Variants in IL1RAPL1 observed in about 807,000 individuals in gnomAD.
IL1RAPL1 encodes interleukin-1 receptor accessory protein-like 1.
A neutral mutation model predicts 48.4 loss-of-function variants in IL1RAPL1; 3 were observed. The observed-to-expected ratio is 0.06, with a 90% confidence interval of 0.03 to 0.16. The LOEUF is 0.16. Ranked by LOEUF, IL1RAPL1 falls within the 10% of genes least tolerant of loss-of-function variation. The pLI is 1.00. For missense variants in IL1RAPL1, 349 were observed against 530.6 expected, an observed-to-expected ratio of 0.66 and a Z score of 3.36; for synonymous variants, 185 against 187.7, an observed-to-expected ratio of 0.99 and a Z score of 0.12.
intron 2 of IL1RAPL1, among the ~76,000 whole-genome samples, chrX:29,138,650 G>A (rs1454377985): frequency 9.3e-6 from 1 of 107,379 alleles, no homozygotes; most frequent in African/African-American, 3.4e-5. Flanking sequence ...GGTAATGCGT[G>A]CCTGTAATCC....
chrX:28,737,269 T>A (rs1176602179), intron 1 of IL1RAPL1, among the ~76,000 whole-genome samples: 1 of 99,755 alleles, frequency 1.0e-5, no homozygotes, highest in Non-Finnish European at 2.0e-5. Context: ...CTTTCTTTCT[T>A]TTTTTGAGAT....
chrX:28,712,443 G>T (rs994205561), intron 1 of IL1RAPL1, among the ~76,000 whole-genome samples: 1 of 110,991 alleles, frequency 9.0e-6, no homozygotes, highest in Non-Finnish European at 1.9e-5. Context: ...TGGACATACA[G>T]TGTGAACAAG....
At chrX:29,887,885 A>AG (rs749618228) in intron 6 of IL1RAPL1, among the ~76,000 whole-genome samples, 1 of 111,307 alleles carries the variant, frequency 9.0e-6, no homozygotes, top group East Asian at 2.8e-4. Flanking sequence ...GAAGGAGAAA[A>AG]GGGCTTTATC....
chrX:29,486,325 A>T (rs761091109), intron 5 of IL1RAPL1, among the ~76,000 whole-genome samples: 2 of 109,880 alleles, frequency 1.8e-5, no homozygotes, highest in South Asian at 7.9e-4. Context: ...GTTAAAAATC[A>T]TTGCCATAGA....
At chrX:29,199,178 A>G (rs1490368967) in intron 2 of IL1RAPL1, among the ~76,000 whole-genome samples, 1 of 112,017 alleles carries the variant, frequency 8.9e-6, no homozygotes, top group Non-Finnish European at 1.9e-5. Flanking sequence ...GATTGTTGTG[A>G]ATATCAGATA....
chrX:29,109,510 C>T (rs1434298606), intron 2 of IL1RAPL1, among the ~76,000 whole-genome samples: 1 of 109,899 alleles, frequency 9.1e-6, no homozygotes, highest in Admixed American at 9.8e-5. Context: ...TATTTTAGGA[C>T]GCCTGATTTT....
At chrX:29,376,103 G>A (rs1026360213) in intron 3 of IL1RAPL1, among the ~76,000 whole-genome samples, 2 of 111,077 alleles carry the variant, frequency 1.8e-5, no homozygotes, top group Admixed American at 9.6e-5. Flanking sequence ...TCTTCTCCTA[G>A]TTTTAGGGTT....
chrX:29,476,177 C>G (rs1934971401), intron 5 of IL1RAPL1, among the ~76,000 whole-genome samples: 1 of 111,292 alleles, frequency 9.0e-6, no homozygotes, highest in African/African-American at 3.3e-5. Flanking sequence ...CAAGATATCT[C>G]AAGGTACCTA....
At chrX:29,291,295 C>A (rs530693237) in intron 3 of IL1RAPL1, among the ~76,000 whole-genome samples, 1 of 111,509 alleles carries the variant, frequency 9.0e-6, no homozygotes, top group African/African-American at 3.3e-5. Context: ...ATGGGGGCTG[C>A]GGATAGGAGA....
chrX:28,661,336 C>T (rs918457921), intron 1 of IL1RAPL1, among the ~76,000 whole-genome samples: 3 of 111,458 alleles, frequency 2.7e-5, no homozygotes, highest in Non-Finnish European at 5.7e-5. Flanking sequence ...TCTATGAAAA[C>T]GTCTAGCTAA....
chrX:29,589,566 C>T (rs747986247), intron 5 of IL1RAPL1, among the ~76,000 whole-genome samples: 30 of 111,729 alleles, frequency 2.7e-4, no homozygotes, highest in Non-Finnish European at 5.6e-4. Flanking sequence ...TGCTTTGAGT[C>T]ATCACAGACT....
intron 2 of IL1RAPL1, among the ~76,000 whole-genome samples, chrX:28,884,126 G>A (rs1443479869): frequency 9.0e-6 from 1 of 111,498 alleles, no homozygotes; most frequent in Non-Finnish European, 1.9e-5. Flanking sequence ...GTATACATAT[G>A]TAACTAACCT....
At chrX:28,615,616 C>G (rs1934209907) in intron 1 of IL1RAPL1, among the ~76,000 whole-genome samples, 1 of 111,078 alleles carries the variant, frequency 9.0e-6, no homozygotes, top group South Asian at 3.9e-4. Flanking sequence ...GCTCAGCCAG[C>G]CCCTCAAAGG....
chrX:29,776,839 A>AC (rs1172914173), intron 6 of IL1RAPL1, among the ~76,000 whole-genome samples: 1 of 111,428 alleles, frequency 9.0e-6, no homozygotes, highest in African/African-American at 3.3e-5. Context: ...AACAATAGAC[A>AC]TTTTTAGTAA....
intron 6 of IL1RAPL1, among the ~76,000 whole-genome samples, chrX:29,765,833 C>T (rs1385794320): frequency 9.0e-6 from 1 of 110,820 alleles, no homozygotes; most frequent in African/African-American, 3.3e-5. Flanking sequence ...TTCTCACTTA[C>T]AAGTGGGAAC....
chrX:29,381,833 A>AAT (rs35091339), intron 3 of IL1RAPL1, among the ~76,000 whole-genome samples: 918 of 24,978 alleles, frequency 0.037, 12 homozygotes, highest in Middle Eastern at 0.091. Flanking sequence ...AAAAAAAAAA[A>AAT]ATATATATAT....
chrX:28,760,906 T>C (rs903691609), intron 1 of IL1RAPL1, among the ~76,000 whole-genome samples: 4 of 109,300 alleles, frequency 3.7e-5, no homozygotes, highest in African/African-American at 1.3e-4. Context: ...ACCAATATGG[T>C]GAAACCCCAT....
intron 6 of IL1RAPL1, among the ~76,000 whole-genome samples, chrX:29,773,435 G>C (rs1046749311): frequency 4.5e-5 from 5 of 112,082 alleles, no homozygotes; most frequent in Non-Finnish European, 9.4e-5. Flanking sequence ...GTCACTGTGC[G>C]GTAGCTTTAG....
At chrX:28,928,347 C>T (rs1923800270) in intron 2 of IL1RAPL1, among the ~76,000 whole-genome samples, 1 of 111,131 alleles carries the variant, frequency 9.0e-6, no homozygotes, top group Non-Finnish European at 1.9e-5. Flanking sequence ...TCTTTTGTCA[C>T]CATACAATTA....
Sources: gnomAD v4.1 joint callset for allele counts (sites outside exome capture counted in the v4.1 genomes callset) on GRCh38, gnomAD v4.1.1 for gene constraint, MANE v1.5 for transcripts, NCBI Gene and HGNC (gene_info 2026-07-23, HGNC 2026-07-21) for gene names.